Variants in NDC80 observed in about 807,000 individuals in gnomAD.
NDC80 encodes the protein NDC80 kinetochore complex component.
A neutral mutation model predicts 89.3 loss-of-function variants in NDC80; 69 were observed. That is an observed-to-expected ratio of 0.77 (90% CI 0.64 to 0.94). The LOEUF (loss-of-function observed/expected upper bound fraction) is 0.94, where lower values mean the gene tolerates loss of function less well. Ranked by LOEUF, NDC80 falls within the 40% of genes least tolerant of loss-of-function variation. The pLI is 0.00. For synonymous variants in NDC80, 243 were observed against 255.6 expected (o/e 0.95, Z 0.47); for missense variants, 593 against 739.6 (o/e 0.80, Z 2.30).
At chr18:2,606,760 A>C (rs2072714072) in intron 14 of NDC80, among the ~76,000 whole-genome samples, 1 of 151,894 alleles carries the variant, frequency 6.6e-6, no homozygotes, top group Non-Finnish European at 1.5e-5. Context: ...CTGGTATTTT[A>C]TACTTGCATA....
chr18:2,602,688 A>G (rs1009205826), intron 13 of NDC80, among the ~76,000 whole-genome samples: 1 of 152,192 alleles, frequency 6.6e-6, no homozygotes, highest in South Asian at 2.1e-4. Context: ...TAAAATGGCT[A>G]CTATAGACTA....
chr18:2,573,686 GCTAA>G (rs1203095664), intron 2 of NDC80, among the ~76,000 whole-genome samples: 2 of 152,112 alleles, frequency 1.3e-5, no homozygotes, highest in East Asian at 1.9e-4. Context: ...CAAGTTACTT[GCTAA>G]CTGTTTTTAA....
At chr18:2,576,792 T>G (rs1404393996) in intron 3 of NDC80, among the ~76,000 whole-genome samples, 4 of 152,154 alleles carry the variant, frequency 2.6e-5, no homozygotes, top group Non-Finnish European at 4.4e-5. Flanking sequence ...CTAAACAAAT[T>G]ATGTCAATAA....
chr18:2,582,776 A>C (rs988075095), intron 6 of NDC80: 4 of 152,242 alleles, frequency 2.6e-5, no homozygotes, highest in African/African-American at 9.6e-5. Flanking sequence ...CTATTTGTTC[A>C]TTGTTTATTA....
In NDC80 at chr18:2,595,460, A is replaced by G; in HGVS notation, c.1060A>G (p.Asn354Asp). 6.2e-7 allele frequency: 1 copy of G among 1,613,904 alleles called. No individual in the cohort carries two copies. The highest frequency in any genetic ancestry group is 8.5e-7 in the Non-Finnish European group (1 of 1,179,874). ...TIKQENTRLQ[N>D]IIDNQKYSVA... ...AAAACAGGAGAACACTCGACTACAG[A>G]ATATCATTGACAACCAGAAGTACTC... Residue 354 changes from asparagine (N) to aspartate (D), a missense_variant, in exon 11 of 17, where the codon AAT becomes GAT. Transcript: ENST00000261597.
At chr18:2,610,348 G>A (rs890488956) in intron 15 of NDC80, among the ~76,000 whole-genome samples, 1 of 152,112 alleles carries the variant, frequency 6.6e-6, no homozygotes, top group African/African-American at 2.4e-5. Context: ...TAGGCCAAGG[G>A]GAGAAAACTC....
chr18:2,589,098 G>A, intron 8 of NDC80, 106 bp from the exon 9 acceptor site: 1 of 733,116 alleles, frequency 1.4e-6, no homozygotes. Flanking sequence ...ATAGTGTTTT[G>A]GGCAGAGACC....
intron 16 of NDC80, among the ~76,000 whole-genome samples, chr18:2,613,351 C>CT (rs561848183): frequency 1.2e-3 from 185 of 151,998 alleles, no homozygotes; most frequent in Non-Finnish European, 2.1e-3. Flanking sequence ...ACAAAATCAC[C>CT]TTTTTTTTCT....
intron 9 of NDC80, among the ~76,000 whole-genome samples, 166 bp from the exon 10 acceptor site, chr18:2,589,852 A>C (rs1349428396): frequency 7.4e-6 from 1 of 135,582 alleles, no homozygotes; most frequent in Non-Finnish European, 1.5e-5. Context: ...TCTATTTCAA[A>C]CTGACAGTGT....
intron 6 of NDC80, 100 bp from the exon 7 acceptor site, chr18:2,585,013 T>C: frequency 1.3e-6 from 1 of 780,858 alleles, no homozygotes; most frequent in Non-Finnish European, 2.2e-6. Context: ...TACACAATAA[T>C]GTAAATGCTT....
At chr18:2,602,502 T>C (rs747898732) in intron 13 of NDC80, among the ~76,000 whole-genome samples, 11 of 152,170 alleles carry the variant, frequency 7.2e-5, no homozygotes, top group Admixed American at 4.6e-4. Context: ...ATGATGATTA[T>C]TTGCAGTGAA....
chr18:2,606,633 G>A, intron 14 of NDC80, 126 bp downstream of exon 14: 3 of 499,714 alleles, frequency 6.0e-6, no homozygotes. Flanking sequence ...TGTATCTTGG[G>A]TTAGTTTTCT....
At chr18:2,600,201 G>A (rs950540425) in intron 12 of NDC80, among the ~76,000 whole-genome samples, 7 of 152,106 alleles carry the variant, frequency 4.6e-5, no homozygotes, top group Admixed American at 1.3e-4. Flanking sequence ...ATATGCTCGA[G>A]GAGAAATTTT....
intron 16 of NDC80, 24 bp downstream of exon 16, chr18:2,610,885 A>G (rs778555195): frequency 1.5e-6 from 2 of 1,367,140 alleles, no homozygotes; most frequent in Non-Finnish European, 2.0e-6. Flanking sequence ...GGTCTTTCCT[A>G]CGTTCTAAGA....
At chr18:2,605,790 T>C (rs1397076478) in intron 13 of NDC80, among the ~76,000 whole-genome samples, 1 of 152,144 alleles carries the variant, frequency 6.6e-6, no homozygotes, top group Non-Finnish European at 1.5e-5. Context: ...TTCCTCTTGG[T>C]ATAGCTGAAG....
In NDC80 at chr18:2,606,404, T is replaced by C. The variant is rs2072711688; in HGVS notation, c.1465-11T>C. On this transcript the variant is annotated splice_polypyrimidine_tract_variant and intron_variant, in intron 13 of 16. Coordinates refer to ENST00000261597, the MANE Select transcript of NDC80 (RefSeq NM_006101.3). The stretch of plus-strand genomic sequence containing the variant: ...AGTTATGATTTCTCAACCAAAGTTT[T>C]ATTTCCCCAGTTGAATGCAATGATA... The C allele has an allele frequency of 6.3e-7, 1 of 1,576,242 alleles. No individual in the cohort carries two copies. Among genetic ancestry groups the C allele is most frequent in the Admixed American group, 1.9e-5 (1 of 53,636 alleles).
At chr18:2,572,918 G>T in intron 1 of NDC80, 59 bp from the exon 2 acceptor site, 1 of 1,234,680 alleles carries the variant, frequency 8.1e-7, no homozygotes. Context: ...ATAAATAGTT[G>T]CTTAATGTAC....
intron 16 of NDC80, chr18:2,614,891 T>G (rs2072776726): frequency 6.6e-6 from 1 of 152,332 alleles, no homozygotes. Context: ...GAGGTCATGT[T>G]GGATTAGGGT....
At chr18:2,581,653 C>A (rs2072578804) in intron 6 of NDC80, among the ~76,000 whole-genome samples, 1 of 152,172 alleles carries the variant, frequency 6.6e-6, no homozygotes, top group Admixed American at 6.6e-5. Context: ...AGCAAAACTC[C>A]ATCTCAAAAA....
Sources: gnomAD v4.1 joint callset for allele counts (sites outside exome capture counted in the v4.1 genomes callset) on GRCh38, gnomAD v4.1.1 for gene constraint, MANE v1.5 for transcripts, NCBI Gene and HGNC (gene_info 2026-07-23, HGNC 2026-07-21) for gene names.